The following PDGFD variants were observed in gnomAD, a reference collection of about 807,000 sequenced individuals.
The protein encoded by PDGFD is platelet-derived growth factor D.
A neutral mutation model predicts 44.7 loss-of-function variants in PDGFD; 30 were observed. That is an observed-to-expected ratio of 0.67 (90% confidence interval 0.50 to 0.91). The LOEUF is 0.91. Among genes scored for constraint, PDGFD ranks in the 40% least tolerant of loss-of-function variants. The probability of loss-of-function intolerance (pLI) is 0.00; values close to 1 mark genes in which losing one functional copy is unlikely to be tolerated. For synonymous variants in PDGFD, 173 were observed against 168.4 expected, an observed-to-expected ratio of 1.03 and a Z score of -0.21; for missense variants, 445 against 457.8, an observed-to-expected ratio of 0.97 and a Z score of 0.25.
intron 1 of PDGFD, among the ~76,000 whole-genome samples, chr11:104,131,112 A>C (rs1861913086): frequency 6.6e-6 from 1 of 152,224 alleles, no homozygotes; most frequent in Non-Finnish European, 1.5e-5. Flanking sequence ...AGTTGTAGTC[A>C]GTCTTTCCTT....
At chr11:103,981,257 G>A (rs1385277229) in intron 3 of PDGFD, among the ~76,000 whole-genome samples, 1 of 151,482 alleles carries the variant, frequency 6.6e-6, no homozygotes, top group Non-Finnish European at 1.5e-5. Flanking sequence ...ATGCCATCTT[G>A]GGACTCTGCA....
intron 1 of PDGFD, among the ~76,000 whole-genome samples, chr11:104,136,846 T>C (rs1862012407): frequency 6.6e-6 from 1 of 152,248 alleles, no homozygotes; most frequent in Non-Finnish European, 1.5e-5. Flanking sequence ...GACTAGATGC[T>C]TTTAAGAAAT....
intron 1 of PDGFD, among the ~76,000 whole-genome samples, chr11:104,098,113 T>C (rs1020197862): frequency 3.3e-5 from 5 of 152,228 alleles, no homozygotes; most frequent in Admixed American, 2.0e-4. Context: ...TCTCAACTTC[T>C]ACATGAAAAC....
Position 104,083,196 on chromosome 11 carries a change from C to T in PDGFD, c.124+80608G>A, listed in dbSNP as rs372329916. ...TATATATAGAATGCAATAAATATTA[C>T]AAATACATCTCAGAATCTTGGTCAT... On this transcript the variant is annotated intron_variant, in intron 1 of 6. Coordinates refer to ENST00000393158, the MANE Select transcript of PDGFD (RefSeq NM_025208.5). Among the ~76,000 whole-genome samples, 64 of 152,146 alleles carry T rather than the reference C, an allele frequency of 4.2e-4. No individual in the cohort carries two copies. The South Asian group carries it at 0.011, about 26-fold the overall frequency.
At chr11:104,106,350 C>T (rs1861471522) in intron 1 of PDGFD, among the ~76,000 whole-genome samples, 1 of 152,096 alleles carries the variant, frequency 6.6e-6, no homozygotes, top group South Asian at 2.1e-4. Context: ...TATAGCCAAA[C>T]TAATACCATA....
chr11:104,133,258 A>G (rs1000509742), intron 1 of PDGFD, among the ~76,000 whole-genome samples: 3 of 152,184 alleles, frequency 2.0e-5, no homozygotes, highest in Non-Finnish European at 4.4e-5. Context: ...TTCGATTAAT[A>G]TACTGAGTCT....
At chr11:104,051,657 G>T (rs1244540096) in intron 1 of PDGFD, among the ~76,000 whole-genome samples, 1 of 141,034 alleles carries the variant, frequency 7.1e-6, no homozygotes, top group South Asian at 2.2e-4. Context: ...ATTCCTGAAT[G>T]AAAAAAAAAA....
At chr11:104,087,987 A>G (rs1043557967) in intron 1 of PDGFD, among the ~76,000 whole-genome samples, 1 of 152,202 alleles carries the variant, frequency 6.6e-6, no homozygotes, top group Non-Finnish European at 1.5e-5. Context: ...GATCAGTGAA[A>G]TCATACTTTT....
chr11:104,075,215 G>C (rs1376205858), intron 1 of PDGFD, among the ~76,000 whole-genome samples: 1 of 152,120 alleles, frequency 6.6e-6, no homozygotes, highest in Non-Finnish European at 1.5e-5. Flanking sequence ...ATATATCTTA[G>C]CTATTTTTTT....
intron 1 of PDGFD, among the ~76,000 whole-genome samples, chr11:104,128,841 A>G (rs1861876664): frequency 6.6e-6 from 1 of 152,168 alleles, no homozygotes; most frequent in Non-Finnish European, 1.5e-5. Context: ...ACACATAAAA[A>G]TGCCCAATAA....
intron 1 of PDGFD, among the ~76,000 whole-genome samples, chr11:104,086,448 TG>T (rs1861132210): frequency 6.6e-6 from 1 of 152,232 alleles, no homozygotes; most frequent in Non-Finnish European, 1.5e-5. Flanking sequence ...TTATAATCAA[TG>T]ATATCTTATA....
intron 5 of PDGFD, among the ~76,000 whole-genome samples, chr11:103,931,457 C>T: frequency 6.6e-6 from 1 of 152,226 alleles, no homozygotes; most frequent in Non-Finnish European, 1.5e-5. Flanking sequence ...TTTCACTGTG[C>T]TGGCCATTCA....
chr11:104,058,668 T>C (rs1860660353), intron 1 of PDGFD, among the ~76,000 whole-genome samples: 1 of 152,204 alleles, frequency 6.6e-6, no homozygotes, highest in Non-Finnish European at 1.5e-5. Context: ...CACAGAGCTA[T>C]ACTCACATGT....
chr11:104,072,431 T>C (rs1860894080), intron 1 of PDGFD, among the ~76,000 whole-genome samples: 2 of 151,894 alleles, frequency 1.3e-5, no homozygotes, highest in Admixed American at 6.6e-5. Context: ...AATTCTATAC[T>C]CCATTTTTTA....
intron 1 of PDGFD, among the ~76,000 whole-genome samples, chr11:104,024,442 T>C (rs1448909955): frequency 1.3e-5 from 2 of 152,228 alleles, no homozygotes; most frequent in African/African-American, 2.4e-5. Context: ...TAATGTTTGC[T>C]AATACAATCA....
chr11:104,054,233 T>C (rs552342145), intron 1 of PDGFD, among the ~76,000 whole-genome samples: 1 of 152,350 alleles, frequency 6.6e-6, no homozygotes, highest in South Asian at 2.1e-4. Flanking sequence ...AATAAAGCTT[T>C]GGTAAAATGA....
intron 1 of PDGFD, among the ~76,000 whole-genome samples, chr11:104,108,534 TA>T (rs1349600580): frequency 6.6e-6 from 1 of 152,052 alleles, no homozygotes; most frequent in Non-Finnish European, 1.5e-5. Context: ...TGGCAATCAT[TA>T]AAAAGTCAGG....
chr11:103,963,339 A>G (rs1230435628), intron 3 of PDGFD, among the ~76,000 whole-genome samples: 1 of 152,274 alleles, frequency 6.6e-6, no homozygotes, highest in African/African-American at 2.4e-5. Context: ...ATAGGCACAG[A>G]TACATTAGAT....
At chr11:104,020,196 T>C (rs867117043) in intron 1 of PDGFD, among the ~76,000 whole-genome samples, 2 of 152,192 alleles carry the variant, frequency 1.3e-5, no homozygotes, top group South Asian at 4.1e-4. Flanking sequence ...TGGAGACATA[T>C]ACTTAATGCT....
Sources: allele counts gnomAD v4.1 joint callset (sites outside exome capture counted in the v4.1 genomes callset), GRCh38; gene constraint gnomAD v4.1.1; transcripts MANE v1.5; gene names NCBI Gene and HGNC (gene_info 2026-07-23, HGNC 2026-07-21).